RALYL: variants seen among roughly 807,000 people sequenced by gnomAD.
RALYL encodes the protein RNA-binding Raly-like protein.
RALYL carries 29 observed loss-of-function variants against 35.1 expected under a neutral mutation model. That is an observed-to-expected ratio of 0.83 (90% CI 0.61 to 1.13). RALYL has a LOEUF of 1.13. Among genes scored for constraint, RALYL ranks in the 50% most tolerant of loss-of-function variants. RALYL has a pLI of 0.00. For missense variants in RALYL, 359 were observed against 360.4 expected (o/e 1.00, Z 0.03); for synonymous variants, 120 against 127.6 (o/e 0.94, Z 0.40).
At position 84,357,644 on chromosome 8, in the gene RALYL, T is replaced by C. The variant is rs1852113900; in HGVS notation, c.-23-171655T>C. Among the ~76,000 whole-genome samples the C allele has an allele frequency of 2.0e-5, 3 of 151,252 alleles. No individual in the cohort carries two copies. In the South Asian group the frequency reaches 6.2e-4, roughly 31 times the overall value. ...TTGTATCTTTAGAATTCTAGAAAAGTACCTCATCATTTTAGACTGTTTCCT... is the reference window on the plus strand; with the variant it reads ...TTGTATCTTTAGAATTCTAGAAAAGCACCTCATCATTTTAGACTGTTTCCT... On this transcript the variant is annotated intron_variant, in intron 1 of 8. Transcript: ENST00000521268.
At chr8:84,735,211 A>G (rs1362129016) in intron 2 of RALYL, among the ~76,000 whole-genome samples, 1 of 151,874 alleles carries the variant, frequency 6.6e-6, no homozygotes, top group Non-Finnish European at 1.5e-5. Context: ...TGAATTCTTG[A>G]CACTTATTCC....
chr8:84,300,688 T>C (rs1840606111), intron 1 of RALYL, among the ~76,000 whole-genome samples: 1 of 152,064 alleles, frequency 6.6e-6, no homozygotes. Context: ...ATGCCTTTCT[T>C]TGTCTTTTGT....
intron 1 of RALYL, among the ~76,000 whole-genome samples, chr8:84,308,631 G>T (rs569888292): frequency 6.8e-4 from 103 of 152,232 alleles, no homozygotes; most frequent in Non-Finnish European, 1.3e-3. Flanking sequence ...ACTGAAAATT[G>T]TATTACCCCA....
intron 1 of RALYL, among the ~76,000 whole-genome samples, chr8:84,337,226 T>G (rs1162341505): frequency 6.6e-6 from 1 of 151,946 alleles, no homozygotes. Context: ...GTTAGAAAAT[T>G]AAACTGGCAT....
intron 1 of RALYL, among the ~76,000 whole-genome samples, chr8:84,361,959 G>C (rs1428871310): frequency 6.6e-6 from 1 of 152,088 alleles, no homozygotes; most frequent in African/African-American, 2.4e-5. Flanking sequence ...CTGAATCTCT[G>C]CTCCTTCATC....
At chr8:84,366,155 G>A (rs933208109) in intron 1 of RALYL, among the ~76,000 whole-genome samples, 4 of 152,154 alleles carry the variant, frequency 2.6e-5, no homozygotes, top group African/African-American at 9.7e-5. Context: ...TGCTGTGGAA[G>A]GGAGGACCCT....
At chr8:84,577,844 A>G (rs2135917352) in intron 2 of RALYL, among the ~76,000 whole-genome samples, 1 of 152,360 alleles carries the variant, frequency 6.6e-6, no homozygotes, top group South Asian at 2.1e-4. Flanking sequence ...AGATATCCTA[A>G]GCCAATCAAG....
chr8:84,748,706 C>T (rs1165860227), intron 2 of RALYL, among the ~76,000 whole-genome samples: 1 of 152,026 alleles, frequency 6.6e-6, no homozygotes, highest in Non-Finnish European at 1.5e-5. Context: ...TTGACCAGAA[C>T]CTTGGAATCT....
At chr8:84,908,583 T>TAAAG (rs1309571993) in intron 8 of RALYL, among the ~76,000 whole-genome samples, 1 of 152,196 alleles carries the variant, frequency 6.6e-6, no homozygotes, top group Admixed American at 6.6e-5. Context: ...ATGCCACATT[T>TAAAG]TCTTTATCCA....
At chr8:84,376,428 G>A (rs1856924778) in intron 1 of RALYL, among the ~76,000 whole-genome samples, 1 of 151,822 alleles carries the variant, frequency 6.6e-6, no homozygotes, top group Non-Finnish European at 1.5e-5. Flanking sequence ...AAGGTTATAT[G>A]TATGAGCCCA....
rs917016345 is a variant in RALYL, at chr8:84,619,166, A to C, written c.256+89589A>C. Among the ~76,000 whole-genome samples, 109 of 151,610 alleles carry C rather than the reference A, an allele frequency of 7.2e-4. 5 individuals are homozygous for C. The highest frequency in any genetic ancestry group is 2.6e-3 in the African/African-American group (106 of 41,050). ...GGTATCCTTGTTGACTTTCTGTCTC[A>C]TTGATCTGTCTAATGTTGACAGTGG... On this transcript the variant is annotated intron_variant, in intron 2 of 8. Coordinates refer to ENST00000521268, the MANE Select transcript of RALYL (RefSeq NM_173848.7).
chr8:84,795,265 A>G (rs1198172652), intron 3 of RALYL, among the ~76,000 whole-genome samples: 1 of 152,266 alleles, frequency 6.6e-6, no homozygotes, highest in Non-Finnish European at 1.5e-5. Flanking sequence ...AAAGTATTAG[A>G]AAATAGTATA....
intron 2 of RALYL, among the ~76,000 whole-genome samples, chr8:84,620,630 C>T (rs552086222): frequency 9.2e-5 from 14 of 152,338 alleles, no homozygotes; most frequent in Admixed American, 5.2e-4. Context: ...TGTTCCATTG[C>T]TGGTGAGGAA....
chr8:84,359,691 A>G (rs1347554116), intron 1 of RALYL, among the ~76,000 whole-genome samples: 1 of 152,068 alleles, frequency 6.6e-6, no homozygotes, highest in Non-Finnish European at 1.5e-5. Context: ...TCCTGCAGTA[A>G]CAAGGCATGC....
chr8:84,513,592 T>C (rs1374745131), intron 1 of RALYL, among the ~76,000 whole-genome samples: 1 of 152,192 alleles, frequency 6.6e-6, no homozygotes, highest in Non-Finnish European at 1.5e-5. Context: ...GAATGGACTT[T>C]GTTGCTGACA....
chr8:84,196,766 C>T (rs1284317642), intron 1 of RALYL, among the ~76,000 whole-genome samples: 1 of 152,202 alleles, frequency 6.6e-6, no homozygotes, highest in Non-Finnish European at 1.5e-5. Context: ...CTGATCATTT[C>T]AATTTCAGCT....
chr8:84,674,599 T>A (rs909177977), intron 2 of RALYL, among the ~76,000 whole-genome samples: 2 of 152,184 alleles, frequency 1.3e-5, no homozygotes, highest in Admixed American at 6.5e-5. Context: ...AGATGTACAC[T>A]CTGGATGATT....
At chr8:84,674,457 T>C (rs1461841791) in intron 2 of RALYL, among the ~76,000 whole-genome samples, 2 of 152,188 alleles carry the variant, frequency 1.3e-5, no homozygotes, top group Non-Finnish European at 2.9e-5. Context: ...GTGCTAGTTT[T>C]CAAGGGGAAT....
chr8:84,840,242 A>G (rs540616411), intron 4 of RALYL, among the ~76,000 whole-genome samples: 8 of 152,138 alleles, frequency 5.3e-5, no homozygotes, highest in Admixed American at 2.0e-4. Context: ...ACAAATGGCT[A>G]ACTAGAATAA....
Sources: allele counts gnomAD v4.1 joint callset (sites outside exome capture counted in the v4.1 genomes callset), GRCh38; gene constraint gnomAD v4.1.1; transcripts MANE v1.5; gene names NCBI Gene and HGNC (gene_info 2026-07-23, HGNC 2026-07-21).